Variants in PRICKLE1 observed in about 807,000 individuals in gnomAD.
The protein encoded by PRICKLE1 is prickle-like protein 1.
A neutral mutation model predicts 70.2 loss-of-function variants in PRICKLE1; 14 were observed. The ratio of observed to expected loss-of-function variants is 0.20; its 90% CI spans 0.13 to 0.31. The LOEUF is 0.31. Ranked by LOEUF, PRICKLE1 falls within the 10% of genes least tolerant of loss-of-function variation. PRICKLE1 has a pLI of 1.00. For missense variants in PRICKLE1, 821 were observed against 1,026.2 expected, an observed-to-expected ratio of 0.80 and a Z score of 2.73; for synonymous variants, 357 against 379.9, an observed-to-expected ratio of 0.94 and a Z score of 0.70.
chr12:42,475,759 A>C (rs191946381), intron 1 of PRICKLE1, among the ~76,000 whole-genome samples: 2 of 152,178 alleles, frequency 1.3e-5, no homozygotes, highest in African/African-American at 4.8e-5. Context: ...TGACAAAACC[A>C]TTCACTCGCA....
chr12:42,517,306 A>ATTTTTT lies in PRICKLE1; in HGVS notation c.-48-44748_-48-44743dup, dbSNP rs71794718. Among the ~76,000 whole-genome samples the ATTTTTT allele has an allele frequency of 1.5e-3, 133 of 88,946 alleles. 9 individuals are homozygous for ATTTTTT. The highest frequency in any genetic ancestry group is 2.6e-3 in the African/African-American group (58 of 22,192). The allele number at this position is 88,946 out of a possible 152,430, so 58.4% of individuals were successfully genotyped here. A position where few individuals can be genotyped will look rare whatever the true frequency, so the allele number is the denominator to read the frequency against. On this transcript the variant is annotated intron_variant, in intron 1 of 7. Coordinates refer to ENST00000345127, the MANE Select transcript of PRICKLE1 (RefSeq NM_153026.3). ...ACTAAATGTGTGTACTCAGTCTGCC[A>ATTTTTT]TTTTTTTTTTTTTTTTTTTTTTTTG...
rs1416335304 is a variant in PRICKLE1 at position 42,460,562 on chromosome 12, T to G, written c.1743A>C (p.Gly581=). ...TEDCEKMSNM[G]TLNSSMLHRS... ...TGTGCAGCATGGAAGAGTTCAAAGT[T>G]CCCATATTGCTCATCTTCTCACAAT... is the stretch of plus-strand genomic sequence containing the variant. The change falls in exon 8 of 8, where the codon GGA becomes GGC. Residue 581 remains glycine, a synonymous_variant. Transcript: ENST00000345127. The G allele has an allele frequency of 6.2e-7, 1 of 1,614,074 alleles. No homozygotes were observed. The highest frequency in any genetic ancestry group is 1.7e-5 in the Admixed American group (1 of 60,006).
At chr12:42,478,854 T>C (rs1467605015) in intron 1 of PRICKLE1, among the ~76,000 whole-genome samples, 1 of 152,076 alleles carries the variant, frequency 6.6e-6, no homozygotes, top group East Asian at 1.9e-4. Flanking sequence ...AAATAGCTAT[T>C]TCTCATCATT....
intron 4 of PRICKLE1, 83 bp from the exon 5 acceptor site, chr12:42,468,912 G>C: frequency 7.4e-7 from 1 of 1,343,718 alleles, no homozygotes; most frequent in Non-Finnish European, 1.0e-6. Flanking sequence ...GATAAATCTC[G>C]AATTTGTCAG....
At chr12:42,498,103 C>T (rs1472776474) in intron 1 of PRICKLE1, among the ~76,000 whole-genome samples, 1 of 101,762 alleles carries the variant, frequency 9.8e-6, no homozygotes, top group East Asian at 3.2e-4. Context: ...CTAGCATCAG[C>T]CTCCCAAAGT....
chr12:42,577,038 T>C (rs1188130706), intron 1 of PRICKLE1, among the ~76,000 whole-genome samples: 1 of 152,208 alleles, frequency 6.6e-6, no homozygotes, highest in East Asian at 1.9e-4. Flanking sequence ...ATGAATGTTA[T>C]GTTATTTTTA....
At chr12:42,545,737 C>A (rs1438712724) in intron 1 of PRICKLE1, among the ~76,000 whole-genome samples, 4 of 151,956 alleles carry the variant, frequency 2.6e-5, no homozygotes, top group Non-Finnish European at 5.9e-5. Flanking sequence ...GTAATCCCAG[C>A]TACTGAGGAG....
chr12:42,513,412 T>C (rs1289483844), intron 1 of PRICKLE1, among the ~76,000 whole-genome samples: 1 of 152,194 alleles, frequency 6.6e-6, no homozygotes. Context: ...GTTAAATGAA[T>C]ACAGCTGGGC....
At chr12:42,507,223 T>C (rs1939435884) in intron 1 of PRICKLE1, among the ~76,000 whole-genome samples, 1 of 152,072 alleles carries the variant, frequency 6.6e-6, no homozygotes, top group African/African-American at 2.4e-5. Context: ...GCGTTCTGAG[T>C]GTTCATTAGT....
At chr12:42,508,869 T>C (rs1269289924) in intron 1 of PRICKLE1, among the ~76,000 whole-genome samples, 1 of 152,136 alleles carries the variant, frequency 6.6e-6, no homozygotes, top group Admixed American at 6.6e-5. Context: ...GACCTCAGTT[T>C]CTCATCTACA....
chr12:42,460,831 G>T (rs1460028276), intron 7 of PRICKLE1, 166 bp from the exon 8 acceptor site: 2 of 755,620 alleles, frequency 2.6e-6, no homozygotes, highest in Non-Finnish European at 4.5e-6. Flanking sequence ...TTGAGAAGTG[G>T]TATAAATGCA....
intron 1 of PRICKLE1, among the ~76,000 whole-genome samples, chr12:42,585,650 C>T (rs554386655): frequency 4.6e-5 from 7 of 152,230 alleles, no homozygotes; most frequent in African/African-American, 1.2e-4. Flanking sequence ...CTGTCTGGTT[C>T]GCCATCCCTG....
At chr12:42,586,906 G>C (rs1940995217) in intron 1 of PRICKLE1, among the ~76,000 whole-genome samples, 1 of 152,164 alleles carries the variant, frequency 6.6e-6, no homozygotes, top group African/African-American at 2.4e-5. Context: ...ATTATCAAAA[G>C]AGAGAATATT....
chr12:42,577,385 C>T (rs536374142), intron 1 of PRICKLE1, among the ~76,000 whole-genome samples: 50 of 152,072 alleles, frequency 3.3e-4, no homozygotes, highest in Non-Finnish European at 5.3e-4. Flanking sequence ...CTGTTAGGCC[C>T]TCAGGCCTTT....
At chr12:42,478,469 T>A (rs1025900069) in intron 1 of PRICKLE1, among the ~76,000 whole-genome samples, 1 of 152,174 alleles carries the variant, frequency 6.6e-6, no homozygotes, top group Non-Finnish European at 1.5e-5. Flanking sequence ...TAAGGAGGTG[T>A]GTGGAGGGCA....
intron 1 of PRICKLE1, among the ~76,000 whole-genome samples, chr12:42,561,449 GT>G (rs1045004786): frequency 6.6e-6 from 1 of 152,072 alleles, no homozygotes; most frequent in Non-Finnish European, 1.5e-5. Flanking sequence ...TTTTGTAACA[GT>G]TATAGAATTG....
intron 1 of PRICKLE1, among the ~76,000 whole-genome samples, chr12:42,530,070 A>T (rs1436268784): frequency 6.6e-6 from 1 of 151,598 alleles, no homozygotes; most frequent in East Asian, 2.0e-4. Context: ...CAGCCTCCCG[A>T]GTAGCTGGGA....
intron 1 of PRICKLE1, among the ~76,000 whole-genome samples, chr12:42,559,608 A>G (rs11181554): frequency 0.15 from 14,783 of 99,064 alleles, 1,124 homozygotes; most frequent in Non-Finnish European, 0.2. Context: ...GTGTGTGTGT[A>G]TATATATATA....
At chr12:42,573,497 A>G (rs1324411554) in intron 1 of PRICKLE1, among the ~76,000 whole-genome samples, 1 of 152,174 alleles carries the variant, frequency 6.6e-6, no homozygotes. Context: ...ATTATTCCCA[A>G]AGATTGGCAG....
Sources: allele counts gnomAD v4.1 joint callset (sites outside exome capture counted in the v4.1 genomes callset), GRCh38; gene constraint gnomAD v4.1.1; transcripts MANE v1.5; gene names NCBI Gene and HGNC (gene_info 2026-07-23, HGNC 2026-07-21).